Variants in MORF4L1 observed in about 807,000 individuals in gnomAD.
MORF4L1 encodes the protein mortality factor 4-like protein 1.
A neutral mutation model predicts 52.9 loss-of-function variants in MORF4L1; 4 were observed. The observed-to-expected ratio is 0.08, with a 90% CI of 0.04 to 0.17. MORF4L1 has a LOEUF of 0.17. MORF4L1 is among the 10% of genes least tolerant of loss of function. The pLI is 1.00. For synonymous variants in MORF4L1, 123 were observed against 134.8 expected (o/e 0.91, Z 0.61); for missense variants, 214 against 390.4 (o/e 0.55, Z 3.81).
chr15:78,893,763 A>G (rs1596252136), intron 9 of MORF4L1, 136 bp downstream of exon 9: 1 of 668,522 alleles, frequency 1.5e-6, no homozygotes, highest in East Asian at 2.8e-5. Context: ...CTGCTTTGAC[A>G]CAGGAGTTGG....
chr15:78,881,534 T>C (rs762577625), intron 3 of MORF4L1, among the ~76,000 whole-genome samples: 8 of 151,974 alleles, frequency 5.3e-5, no homozygotes, highest in Non-Finnish European at 8.8e-5. Flanking sequence ...ACCGATGTTA[T>C]TGATCTTGTT....
Position 78,897,221 on chromosome 15 carries a change from G to C in MORF4L1, c.*154G>C. On this transcript the variant is annotated 3_prime_UTR_variant, in exon 12 of 12. Transcript: ENST00000426013. Reference sequence around the variant, plus strand: ...TTAAACAGAGAAAAAATAAAAGGGGGTAATAGCTCCTTTTTTCTTCTTTCT... The same window carrying C: ...TTAAACAGAGAAAAAATAAAAGGGGCTAATAGCTCCTTTTTTCTTCTTTCT... The C allele has an allele frequency of 1.8e-6, 1 of 544,880 alleles. No homozygotes were observed. The highest frequency in any genetic ancestry group is 3.3e-6 in the Non-Finnish European group (1 of 306,746). 33.8% of individuals were successfully genotyped at this position (544,880 alleles called of 1,614,324 possible).
intron 1 of MORF4L1, among the ~76,000 whole-genome samples, chr15:78,874,185 C>T (rs542463374): frequency 6.6e-6 from 1 of 152,266 alleles, no homozygotes; most frequent in African/African-American, 2.4e-5. Context: ...TTTAACATTC[C>T]TTTTCATTGC....
At chr15:78,896,125 C>G (rs546775923) in intron 11 of MORF4L1, among the ~76,000 whole-genome samples, 36 of 151,458 alleles carry the variant, frequency 2.4e-4, no homozygotes, top group Non-Finnish European at 4.4e-4. Flanking sequence ...ATTACAGGTG[C>G]ACACCACCAT....
intron 3 of MORF4L1, among the ~76,000 whole-genome samples, chr15:78,884,485 C>G (rs912124083): frequency 6.6e-6 from 1 of 151,062 alleles, no homozygotes; most frequent in African/African-American, 2.4e-5. Context: ...ACTAAAAATA[C>G]AAAATTAGCT....
chr15:78,891,158 G>A (rs750818855), intron 6 of MORF4L1, 144 bp downstream of exon 6: 3 of 1,044,728 alleles, frequency 2.9e-6, no homozygotes, highest in South Asian at 2.9e-5. Flanking sequence ...TATAAAATAG[G>A]TACATGGTGG....
At chr15:78,885,039 TC>T (rs1240729373) in intron 3 of MORF4L1, 1 of 1,614,170 alleles carries the variant, frequency 6.2e-7, no homozygotes. Context: ...TTTTTCCTGT[TC>T]CTGAAGGAGC....
At chr15:78,878,096 C>G (rs534451976) in intron 1 of MORF4L1, 117 bp from the exon 2 acceptor site, 13 of 995,244 alleles carry the variant, frequency 1.3e-5, no homozygotes, top group Non-Finnish European at 1.9e-5. Context: ...TATACCCGTC[C>G]TCATTTTTCC....
At chr15:78,877,932 G>C (rs1456606457) in intron 1 of MORF4L1, 4 of 312,602 alleles carry the variant, frequency 1.3e-5, no homozygotes, top group Non-Finnish European at 2.3e-5. Flanking sequence ...CGACAGCTTT[G>C]CAGGAGAGTC....
chr15:78,880,015 C>T (rs1173994606), intron 2 of MORF4L1, among the ~76,000 whole-genome samples: 1 of 152,208 alleles, frequency 6.6e-6, no homozygotes, highest in East Asian at 1.9e-4. Flanking sequence ...TAGTTAATGA[C>T]TTGCCTCTAG....
chr15:78,879,023 C>T (rs1198006271), intron 2 of MORF4L1, among the ~76,000 whole-genome samples: 1 of 148,172 alleles, frequency 6.7e-6, no homozygotes, highest in Non-Finnish European at 1.5e-5. Context: ...AAATATTAGC[C>T]ATTTTCACTA....
chr15:78,893,652 ACACT>A (rs2056837351), intron 9 of MORF4L1, 25 bp downstream of exon 9: 2 of 1,455,836 alleles, frequency 1.4e-6, no homozygotes, highest in Non-Finnish European at 1.9e-6. Context: ...TTTTCAGATG[ACACT>A]CAAAAGACAT....
chr15:78,886,738 G>A (rs2056711180), intron 4 of MORF4L1, among the ~76,000 whole-genome samples: 1 of 152,136 alleles, frequency 6.6e-6, no homozygotes, highest in South Asian at 2.1e-4. Context: ...GGTGGATCAC[G>A]AGGTCAGGAG....
At chr15:78,885,052 C>T (rs961570668) in intron 3 of MORF4L1, 9 of 1,613,966 alleles carry the variant, frequency 5.6e-6, no homozygotes, top group Non-Finnish European at 7.6e-6. Context: ...TGAAGGAGCT[C>T]CCTCAGTACA....
chr15:78,890,783 G>A (rs1826361867), intron 5 of MORF4L1: 1 of 386,552 alleles, frequency 2.6e-6, no homozygotes, highest in African/African-American at 2.1e-5. Flanking sequence ...CGCCTGGCTT[G>A]GTTTATTTTT....
intron 5 of MORF4L1, among the ~76,000 whole-genome samples, chr15:78,888,053 G>C (rs1465566460): frequency 1.3e-5 from 2 of 152,238 alleles, no homozygotes; most frequent in African/African-American, 4.8e-5. Flanking sequence ...GATTATAGGC[G>C]TGAGCCACTG....
chr15:78,885,061 C>T (rs534377753), intron 3 of MORF4L1: 29 of 1,613,204 alleles, frequency 1.8e-5, no homozygotes, highest in Non-Finnish European at 2.4e-5. Flanking sequence ...TCCCTCAGTA[C>T]ACCACCCCCT....
rs572781436 is a variant in MORF4L1, at chr15:78,890,903, C to T, written c.324-86C>T. 9.5e-4 allele frequency: 1,169 copies of T among 1,226,218 alleles called. 1 individual carries two copies. Among genetic ancestry groups the T allele is most frequent in the Non-Finnish European group, 1.2e-3 (1,099 of 933,734 alleles). 76.0% of individuals were successfully genotyped at this position (1,226,218 alleles called of 1,614,324 possible). A position where few individuals can be genotyped will look rare whatever the true frequency, so the allele number is the denominator to read the frequency against. ...ATCCTTTATCCAAGTTAGTATTTCT[C>T]TGTGAACTTAACCCTGATAAAGGGA... is the stretch of plus-strand genomic sequence containing the variant. On this transcript the variant is annotated intron_variant, in intron 5 of 11. Transcript: ENST00000426013.
intron 1 of MORF4L1, among the ~76,000 whole-genome samples, chr15:78,874,123 G>A (rs2056431116): frequency 6.6e-6 from 1 of 152,094 alleles, no homozygotes; most frequent in Admixed American, 6.6e-5. Context: ...TAATAAGGTG[G>A]AGGTCTAATA....
Sources: allele counts gnomAD v4.1 joint callset (sites outside exome capture counted in the v4.1 genomes callset), GRCh38; gene constraint gnomAD v4.1.1; transcripts MANE v1.5; gene names NCBI Gene and HGNC (gene_info 2026-07-23, HGNC 2026-07-21).